Variants in FRAS1 observed in about 807,000 individuals in gnomAD.
FRAS1 encodes the protein extracellular matrix organizing protein FRAS1.
FRAS1 carries 290 observed loss-of-function variants against 435.2 expected under a neutral mutation model. The observed-to-expected ratio is 0.67, with a 90% CI of 0.61 to 0.73. FRAS1 has a LOEUF of 0.73. FRAS1 is among the 30% of genes least tolerant of loss of function. The pLI is 0.00. For missense variants in FRAS1, 4,860 were observed against 5,001.5 expected (o/e 0.97, Z 0.85); for synonymous variants, 1,800 against 1,851.0 (o/e 0.97, Z 0.71).
chr4:78,452,093 T>A, intron 46 of FRAS1, 82 bp from the exon 47 acceptor site: 2 of 1,465,872 alleles, frequency 1.4e-6, no homozygotes, highest in Non-Finnish European at 1.9e-6. Context: ...GACTCTGACC[T>A]TACTTCTTGG....
intron 48 of FRAS1, 55 bp downstream of exon 48, chr4:78,464,200 T>C: frequency 1.9e-6 from 3 of 1,569,280 alleles, no homozygotes; most frequent in Admixed American, 1.8e-5. Context: ...CGCCATCTTC[T>C]TTGAGTGGAG....
chr4:78,117,901 G>A (rs530199714), intron 2 of FRAS1, among the ~76,000 whole-genome samples: 6 of 152,176 alleles, frequency 3.9e-5, no homozygotes, highest in Non-Finnish European at 8.8e-5. Context: ...TGGAGGAGAG[G>A]TTGTCTGATT....
chr4:78,119,554 T>C (rs939457890), intron 2 of FRAS1, among the ~76,000 whole-genome samples: 4 of 152,214 alleles, frequency 2.6e-5, no homozygotes, highest in African/African-American at 9.6e-5. Flanking sequence ...TATTCCATGG[T>C]CTATAGATAT....
At chr4:78,469,120 G>T (rs1194992743) in intron 50 of FRAS1, among the ~76,000 whole-genome samples, 2 of 152,178 alleles carry the variant, frequency 1.3e-5, no homozygotes, top group Admixed American at 1.3e-4. Flanking sequence ...AGAGAAAAAA[G>T]ATTTCAGGAT....
At chr4:78,071,422 G>C (rs1466056757) in intron 2 of FRAS1, 1 of 152,220 alleles carries the variant, frequency 6.6e-6, no homozygotes, top group Non-Finnish European at 1.5e-5. Flanking sequence ...GAGTAGAAAT[G>C]AGTGAGTTAT....
In FRAS1 at chr4:78,438,653, T is replaced by A; in HGVS notation, c.5301T>A (p.Ser1767=). Residue 1767 remains serine, a synonymous_variant, in exon 39 of 74, where the codon TCT becomes TCA. Transcript: ENST00000512123. ...GTACTCTCTTAAGAATCTCAGGATC[T>A]GAGGTGGAAGAGCTCTCAGAAGTTT... ...SYGTLLRISG[S]EVEELSEVSN... is the part of the protein sequence containing the mutation. The A allele has an allele frequency of 1.2e-6, 2 of 1,613,504 alleles. No homozygotes were observed. The highest frequency in any genetic ancestry group is 1.7e-6 in the Non-Finnish European group (2 of 1,179,580).
At chr4:78,340,679 T>A (rs889685859) in intron 20 of FRAS1, among the ~76,000 whole-genome samples, 2 of 152,114 alleles carry the variant, frequency 1.3e-5, no homozygotes, top group Non-Finnish European at 2.9e-5. Flanking sequence ...GCTCAAACAA[T>A]GGAAATTTAT....
At chr4:78,149,469 A>T (rs971178283) in intron 2 of FRAS1, among the ~76,000 whole-genome samples, 1 of 152,214 alleles carries the variant, frequency 6.6e-6, no homozygotes, top group Non-Finnish European at 1.5e-5. Context: ...CATTCTTCAC[A>T]GGAAACACCA....
chr4:78,398,914 C>T (rs909800470), intron 29 of FRAS1, among the ~76,000 whole-genome samples: 3 of 151,856 alleles, frequency 2.0e-5, no homozygotes, highest in Non-Finnish European at 4.4e-5. Context: ...ACCTGAGAGG[C>T]GGAGGTTGTG....
At chr4:78,237,311 T>A (rs1724802372) in intron 2 of FRAS1, among the ~76,000 whole-genome samples, 199 bp from the exon 3 acceptor site, 1 of 152,204 alleles carries the variant, frequency 6.6e-6, no homozygotes, top group Non-Finnish European at 1.5e-5. Context: ...CTACGTGGAT[T>A]GACTATTGTG....
At chr4:78,094,292 C>T (rs185679023) in intron 2 of FRAS1, among the ~76,000 whole-genome samples, 27 of 151,918 alleles carry the variant, frequency 1.8e-4, no homozygotes, top group African/African-American at 5.1e-4. Context: ...AAAATGTTGG[C>T]AAATGATTGA....
chr4:78,484,836 T>A (rs1161498190), intron 58 of FRAS1, among the ~76,000 whole-genome samples: 1 of 152,184 alleles, frequency 6.6e-6, no homozygotes, highest in African/African-American at 2.4e-5. Context: ...CCAGCATGCA[T>A]TCTAGGACTT....
At position 78,475,551 on chromosome 4, in the gene FRAS1, G is replaced by C. The variant is rs984382873; in HGVS notation, c.7796G>C (p.Ser2599Thr). ...ACCGAGCAAGGCACCGCCAGCTCCA[G>C]CTCCAGGGTCAGCTCCCAACCTGGG... ...CRTEQGTASSSSRVSSQPGQQ... is the reference protein window; with the variant it reads ...CRTEQGTASSTSRVSSQPGQQ... The change falls in exon 54 of 74, where the codon AGC becomes ACC. Residue 2599 changes from serine to threonine, a missense_variant. Transcript: ENST00000512123. The C allele has an allele frequency of 6.2e-7, 1 of 1,613,650 alleles. No individual in the cohort carries two copies. The highest frequency in any genetic ancestry group is 1.7e-4 in the Middle Eastern group (1 of 6,060).
At chr4:78,467,642 C>A (rs1417470196) in intron 50 of FRAS1, among the ~76,000 whole-genome samples, 2 of 152,148 alleles carry the variant, frequency 1.3e-5, no homozygotes, top group Non-Finnish European at 2.9e-5. Context: ...TTTTGAGGAA[C>A]CTCCAAACTG....
intron 2 of FRAS1, among the ~76,000 whole-genome samples, chr4:78,138,568 G>A (rs562568088): frequency 3.3e-5 from 5 of 152,228 alleles, no homozygotes; most frequent in African/African-American, 1.2e-4. Context: ...TTGATAAGAA[G>A]ATCACAACTA....
At chr4:78,314,317 C>G (rs566117818) in intron 15 of FRAS1, among the ~76,000 whole-genome samples, 55 of 152,268 alleles carry the variant, frequency 3.6e-4, no homozygotes, top group African/African-American at 1.3e-3. Context: ...CTCCCCCACA[C>G]CTATTCTTTC....
intron 2 of FRAS1, among the ~76,000 whole-genome samples, chr4:78,087,957 C>T (rs971419360): frequency 7.9e-5 from 12 of 152,124 alleles, no homozygotes; most frequent in African/African-American, 2.2e-4. Flanking sequence ...AAAAAGAGCC[C>T]TCATTGCCAA....
At chr4:78,508,601 A>G (rs1300300883) in intron 62 of FRAS1, 130 bp from the exon 63 acceptor site, 1 of 911,680 alleles carries the variant, frequency 1.1e-6, no homozygotes, top group Non-Finnish European at 1.7e-6. Flanking sequence ...GAATTATAAA[A>G]ACTTCTCCTG....
chr4:78,423,166 CTTTTT>C (rs1733858259), intron 34 of FRAS1, among the ~76,000 whole-genome samples: 1 of 151,254 alleles, frequency 6.6e-6, no homozygotes, highest in Non-Finnish European at 1.5e-5. Flanking sequence ...TCTTTCTTTT[CTTTTT>C]CTTTTTTTTT....
Sources: allele counts gnomAD v4.1 joint callset (sites outside exome capture counted in the v4.1 genomes callset), GRCh38; gene constraint gnomAD v4.1.1; transcripts MANE v1.5; gene names NCBI Gene and HGNC (gene_info 2026-07-23, HGNC 2026-07-21).